The following RSPO2 variants were observed in gnomAD, a reference collection of about 807,000 sequenced individuals.
RSPO2 encodes the protein R-spondin-2.
A neutral mutation model predicts 30.9 loss-of-function variants in RSPO2; 14 were observed. That is an observed-to-expected ratio of 0.45 (90% CI 0.30 to 0.71). RSPO2 has a LOEUF of 0.71. Among genes scored for constraint, RSPO2 ranks in the 30% least tolerant of loss-of-function variants. The pLI is 0.08. For synonymous variants in RSPO2, 107 were observed against 96.4 expected (o/e 1.11, Z -0.64); for missense variants, 264 against 301.9 (o/e 0.87, Z 0.93).
chr8:108,075,134 T>C (rs1312445298), intron 2 of RSPO2, among the ~76,000 whole-genome samples: 3 of 152,218 alleles, frequency 2.0e-5, no homozygotes, highest in Non-Finnish European at 4.4e-5. Context: ...GTCAAAGTGT[T>C]TGGGGATAAA....
At chr8:107,998,785 G>A (rs1043975300) in intron 2 of RSPO2, among the ~76,000 whole-genome samples, 8 of 152,224 alleles carry the variant, frequency 5.3e-5, no homozygotes, top group South Asian at 4.1e-4. Context: ...GGTGGCTCAC[G>A]TCTGTAATCC....
intron 2 of RSPO2, among the ~76,000 whole-genome samples, chr8:108,030,571 C>T (rs1311911890): frequency 6.6e-6 from 1 of 152,168 alleles, no homozygotes; most frequent in African/African-American, 2.4e-5. Context: ...AGAGATAGAA[C>T]ACACACCATC....
intron 2 of RSPO2, among the ~76,000 whole-genome samples, chr8:108,012,205 GCA>G (rs1180472061): frequency 6.6e-6 from 1 of 152,074 alleles, no homozygotes; most frequent in Non-Finnish European, 1.5e-5. Context: ...TTAAACTACA[GCA>G]CTAAGTTGGC....
chr8:107,945,950 T>A (rs185977115), intron 5 of RSPO2, among the ~76,000 whole-genome samples: 2 of 152,350 alleles, frequency 1.3e-5, no homozygotes, highest in East Asian at 3.9e-4. Context: ...CACCTTTGTA[T>A]ATGTTGACAC....
Position 108,082,532 on chromosome 8 carries a change from G to A in RSPO2, c.94+13C>T. 6.2e-7 allele frequency: 1 copy of A among 1,609,306 alleles called. No individual in the cohort carries two copies. Among genetic ancestry groups the A allele is most frequent in the Non-Finnish European group, 8.5e-7 (1 of 1,175,644 alleles). ...TGAAGCCCACCACGCACCTTTGGCA[G>A]AGAGGGACCCACCTCGCTTACTGCG... On this transcript the variant is annotated intron_variant, in intron 2 of 5. Coordinates refer to ENST00000276659, the MANE Select transcript of RSPO2 (RefSeq NM_178565.5).
At position 107,900,964 on chromosome 8, in the gene RSPO2, G is replaced by C. The variant is rs984902578; in HGVS notation, c.*111C>G. The C allele has an allele frequency of 1.6e-5, 18 of 1,133,336 alleles. No individual in the cohort carries two copies. The African/African-American group carries it at 2.0e-4, about 13-fold the overall frequency. The allele number at this position is 1,133,336 out of a possible 1,614,324, so 70.2% of individuals were successfully genotyped here. On this transcript the variant is annotated 3_prime_UTR_variant, in exon 6 of 6. Transcript: ENST00000276659. ...TCCTTTCACCATGTTACTGGGAACAGATACTGGGCAGAGCAGCACAAAGGC... is the reference window on the plus strand; with the variant it reads ...TCCTTTCACCATGTTACTGGGAACACATACTGGGCAGAGCAGCACAAAGGC...
At chr8:108,064,078 A>G (rs1812574379) in intron 2 of RSPO2, among the ~76,000 whole-genome samples, 1 of 152,242 alleles carries the variant, frequency 6.6e-6, no homozygotes, top group Non-Finnish European at 1.5e-5. Context: ...TAAAAACCCT[A>G]GAAGAAAACC....
intron 3 of RSPO2, among the ~76,000 whole-genome samples, chr8:107,964,774 A>C (rs972789920): frequency 2.0e-5 from 3 of 152,286 alleles, no homozygotes; most frequent in African/African-American, 7.2e-5. Context: ...TTTTCCAAAA[A>C]CTACTTAAGC....
intron 5 of RSPO2, among the ~76,000 whole-genome samples, chr8:107,918,463 C>T (rs926049589): frequency 2.0e-5 from 3 of 152,238 alleles, no homozygotes; most frequent in African/African-American, 7.2e-5. Context: ...GTCACTAAGA[C>T]CCTCTTGAGA....
chr8:108,038,502 C>T (rs938861134), intron 2 of RSPO2, among the ~76,000 whole-genome samples: 3 of 152,168 alleles, frequency 2.0e-5, no homozygotes, highest in Admixed American at 1.3e-4. Context: ...ACAGGATTGA[C>T]TCCGATTCTA....
intron 2 of RSPO2, among the ~76,000 whole-genome samples, chr8:108,002,034 C>A (rs2130560417): frequency 6.6e-6 from 1 of 152,218 alleles, no homozygotes; most frequent in Middle Eastern, 3.4e-3. Flanking sequence ...GCACATGTAT[C>A]CCAGAATTTA....
Position 108,082,661 on chromosome 8 carries a change from G to A in RSPO2, c.-23C>T, listed in dbSNP as rs766927151. On this transcript the variant is annotated 5_prime_UTR_variant, in exon 2 of 6. Transcript: ENST00000276659. The stretch of plus-strand genomic sequence containing the variant: ...CATCTGGGCGGTCGGGCGGGGGAGA[G>A]ACGCCTCTCAAAGTCTAGGAACTGG... 6 of 1,596,468 alleles carry A rather than the reference G, an allele frequency of 3.8e-6. No homozygotes were observed. The highest frequency in any genetic ancestry group is 4.3e-6 in the Non-Finnish European group (5 of 1,164,478).
At chr8:107,998,880 T>C (rs1815121430) in intron 2 of RSPO2, among the ~76,000 whole-genome samples, 1 of 152,078 alleles carries the variant, frequency 6.6e-6, no homozygotes, top group Non-Finnish European at 1.5e-5. Flanking sequence ...AAACCCTGTC[T>C]CTACTAAAAA....
At chr8:107,966,977 A>T (rs544328414) in intron 3 of RSPO2, among the ~76,000 whole-genome samples, 1 of 152,174 alleles carries the variant, frequency 6.6e-6, no homozygotes, top group Non-Finnish European at 1.5e-5. Flanking sequence ...GCCTTAGCAC[A>T]CCATGAAAAT....
intron 5 of RSPO2, among the ~76,000 whole-genome samples, chr8:107,933,245 C>T (rs1812602770): frequency 1.3e-5 from 2 of 152,138 alleles, no homozygotes; most frequent in Non-Finnish European, 1.5e-5. Context: ...AATCAGATGG[C>T]ATCATTTTTC....
intron 5 of RSPO2, among the ~76,000 whole-genome samples, chr8:107,937,863 T>TA (rs1812770175): frequency 6.6e-6 from 1 of 152,112 alleles, no homozygotes; most frequent in Non-Finnish European, 1.5e-5. Context: ...CATATACAGG[T>TA]AGTGCTCCCC....
chr8:108,015,481 T>A (rs1810858226), intron 2 of RSPO2, among the ~76,000 whole-genome samples: 1 of 152,122 alleles, frequency 6.6e-6, no homozygotes, highest in African/African-American at 2.4e-5. Flanking sequence ...AGTAGTCGGG[T>A]TCCTCTGAGC....
chr8:107,942,831 G>A (rs906743490), intron 5 of RSPO2, among the ~76,000 whole-genome samples: 1 of 152,174 alleles, frequency 6.6e-6, no homozygotes, highest in Non-Finnish European at 1.5e-5. Flanking sequence ...GCATTCAAAG[G>A]TATAAAATGA....
chr8:108,065,898 C>T (rs908740742), intron 2 of RSPO2, among the ~76,000 whole-genome samples: 3 of 152,058 alleles, frequency 2.0e-5, no homozygotes, highest in Non-Finnish European at 4.4e-5. Flanking sequence ...ATTAGCTGGG[C>T]ATGGTGGTGG....
Sources: allele counts gnomAD v4.1 joint callset (sites outside exome capture counted in the v4.1 genomes callset), GRCh38; gene constraint gnomAD v4.1.1; transcripts MANE v1.5; gene names NCBI Gene and HGNC (gene_info 2026-07-23, HGNC 2026-07-21).